Variants in CD82 observed in about 807,000 individuals in gnomAD.
CD82 encodes CD82 molecule.
Under a neutral mutation model 37.4 loss-of-function variants are expected in CD82, and 36 were observed. The observed-to-expected ratio is 0.96, with a 90% CI of 0.74 to 1.27. The LOEUF (loss-of-function observed/expected upper bound fraction) is 1.27. Among genes scored for constraint, CD82 ranks in the 50% most tolerant of loss-of-function variants. The pLI is 0.00. For missense variants in CD82, 340 were observed against 347.0 expected (o/e 0.98, Z 0.16); for synonymous variants, 158 against 137.4 (o/e 1.15, Z -1.05).
chr11:44,571,539 A>G (rs1456590596), intron 1 of CD82, among the ~76,000 whole-genome samples: 4 of 152,280 alleles, frequency 2.6e-5, no homozygotes, highest in East Asian at 1.9e-4. Context: ...AGTTAGTGCT[A>G]TATATGTTCC....
In CD82 at chr11:44,618,673, G is replaced by A; in HGVS notation, c.676G>A (p.Glu226Lys). Residue 226 changes from glutamate (E) to lysine (K), a missense_variant, in exon 9 of 10, where the codon GAG (glutamate) becomes AAG (lysine). Coordinates refer to ENST00000227155, the MANE Select transcript of CD82 (RefSeq NM_002231.4). Reference protein sequence around the residue: ...CMEKVQAWLQENLGIILGVGV... With the variant: ...CMEKVQAWLQKNLGIILGVGV... ...GGAGAAGGTGCAGGCGTGGCTGCAG[G>A]AGAACCTGGGCATCATCCTCGGCGT... 1 of 1,613,304 alleles carries A rather than the reference G, an allele frequency of 6.2e-7. No individual in the cohort carries two copies. The highest frequency in any genetic ancestry group is 8.5e-7 in the Non-Finnish European group (1 of 1,179,960).
At chr11:44,616,896 G>A (rs1565096269) in intron 7 of CD82, among the ~76,000 whole-genome samples, 1 of 152,314 alleles carries the variant, frequency 6.6e-6, no homozygotes, top group Non-Finnish European at 1.5e-5. Context: ...AGGATGGCCT[G>A]TGGGTGCCCC....
chr11:44,609,927 G>A (rs142759473), intron 6 of CD82, among the ~76,000 whole-genome samples: 5 of 152,272 alleles, frequency 3.3e-5, no homozygotes, highest in East Asian at 3.9e-4. Flanking sequence ...AGCTAATTAC[G>A]TGGATTGCAG....
chr11:44,593,651 AC>A (rs1416578228), intron 2 of CD82, among the ~76,000 whole-genome samples: 2 of 152,194 alleles, frequency 1.3e-5, no homozygotes, highest in African/African-American at 4.8e-5. Flanking sequence ...AAACTTGGAA[AC>A]AACCTGTGTG....
intron 5 of CD82, 69 bp downstream of exon 5, chr11:44,605,251 G>C: frequency 6.2e-7 from 1 of 1,607,554 alleles, no homozygotes; most frequent in South Asian, 1.1e-5. Context: ...CCTGACCGCG[G>C]CGCTGGCCGT....
rs7935811 is a variant in CD82, at chr11:44,608,252, G to A, written c.336+2823G>A. Among the ~76,000 whole-genome samples, 911 of 152,222 alleles carry A rather than the reference G, an allele frequency of 6.0e-3. 14 individuals carry two copies. The highest frequency in any genetic ancestry group is 0.021 in the African/African-American group (870 of 41,536). On this transcript the variant is annotated intron_variant, in intron 6 of 9. Coordinates refer to ENST00000227155, the MANE Select transcript of CD82 (RefSeq NM_002231.4). The stretch of plus-strand genomic sequence containing the variant: ...GAAAGGCCTTTTGAAAGGAGATAGG[G>A]CTCCCGTGCAGGTGGGTGGGAGTGA...
upstream of CD82, among the ~76,000 whole-genome samples, chr11:44,565,120 C>T (rs1416207356): frequency 6.6e-6 from 1 of 152,238 alleles, no homozygotes; most frequent in East Asian, 1.9e-4. Flanking sequence ...CCCTGGAATG[C>T]CAGCGTGGGG....
chr11:44,612,443 A>G (rs1293136304), intron 6 of CD82, among the ~76,000 whole-genome samples: 2 of 152,128 alleles, frequency 1.3e-5, no homozygotes, highest in African/African-American at 4.8e-5. Flanking sequence ...CACCAGGTAC[A>G]TAACAAACAT....
chr11:44,618,345 G>A lies in CD82; in HGVS notation c.622G>A (p.Asp208Asn), dbSNP rs1186756556. Residue 208 changes from aspartate to asparagine, a missense_variant, in exon 8 of 10, where the codon GAC (aspartate) becomes AAC (asparagine). Asp to Asn is a conservative substitution (Grantham distance 23). Coordinates refer to ENST00000227155, the MANE Select transcript of CD82 (RefSeq NM_002231.4). The part of the protein sequence containing the change: ...NRTQSGNHPE[D>N]WPVYQEGCME... ...GACCCAGAGTGGCAACCACCCTGAG[G>A]ACTGGCCTGTGTACCAGGAGGTGTG... The A allele has an allele frequency of 6.2e-7, 1 of 1,613,350 alleles. No homozygotes were observed. Among genetic ancestry groups the A allele is most frequent in the Non-Finnish European group, 8.5e-7 (1 of 1,179,978 alleles).
chr11:44,618,176 C>T lies in CD82; in HGVS notation c.453C>T (p.Gly151=), dbSNP rs1853592609. The T allele has an allele frequency of 6.2e-7, 1 of 1,613,866 alleles. No individual in the cohort carries two copies. The highest frequency in any genetic ancestry group is 1.3e-5 in the African/African-American group (1 of 74,938). ...DYVQAQVKCC[G]WVSFYNWTDN... ...GCCTTGCCCAGGTGAAGTGCTGCGG[C>T]TGGGTCAGCTTCTACAACTGGACAG... is the stretch of plus-strand genomic sequence containing the variant. The change falls in exon 8 of 10, where the codon GGC becomes GGT. Residue 151 remains glycine (G), a synonymous_variant. Transcript: ENST00000227155.
chr11:44,564,560 G>A, upstream of CD82: 1 of 452,572 alleles, frequency 2.2e-6, no homozygotes, highest in African/African-American at 2.0e-5. Context: ...TGGGACGCAG[G>A]GTGGGCACCG....
At chr11:44,574,787 A>G (rs1852866289) in intron 1 of CD82, among the ~76,000 whole-genome samples, 1 of 152,168 alleles carries the variant, frequency 6.6e-6, no homozygotes, top group Non-Finnish European at 1.5e-5. Flanking sequence ...TGAGTGCTGT[A>G]TAGGGAGGGT....
chr11:44,595,780 C>T (rs934157234), intron 3 of CD82, among the ~76,000 whole-genome samples: 1 of 151,562 alleles, frequency 6.6e-6, no homozygotes, highest in South Asian at 2.1e-4. Flanking sequence ...ATTCTAAATT[C>T]CCCTTCTGGC....
chr11:44,589,565 C>T (rs1245873152), intron 2 of CD82, among the ~76,000 whole-genome samples: 1 of 152,234 alleles, frequency 6.6e-6, no homozygotes, highest in Non-Finnish European at 1.5e-5. Context: ...AGCCCCAGCT[C>T]CGGGTCATTG....
At chr11:44,574,499 G>A (rs1464694718) in intron 1 of CD82, among the ~76,000 whole-genome samples, 1 of 152,170 alleles carries the variant, frequency 6.6e-6, no homozygotes, top group Non-Finnish European at 1.5e-5. Context: ...AAGACCCCAG[G>A]CCAGCGATTC....
chr11:44,591,815 A>G (rs1336219428), intron 2 of CD82, among the ~76,000 whole-genome samples: 1 of 127,182 alleles, frequency 7.9e-6, no homozygotes, highest in Non-Finnish European at 1.7e-5. Context: ...CGTCATACTT[A>G]CTCTTATTTT....
chr11:44,583,572 G>A (rs1358215900), intron 1 of CD82, among the ~76,000 whole-genome samples: 6 of 152,158 alleles, frequency 3.9e-5, no homozygotes, highest in South Asian at 2.1e-4. Flanking sequence ...AGGGTGGGAC[G>A]GTGGGCTGCA....
intron 4 of CD82, among the ~76,000 whole-genome samples, chr11:44,601,611 G>C (rs536874922): frequency 6.6e-6 from 1 of 152,212 alleles, no homozygotes; most frequent in Admixed American, 6.5e-5. Context: ...TGGCGCAGTG[G>C]GGGTGAGCCC....
intron 1 of CD82, chr11:44,573,383 T>C (rs1007640959): frequency 6.6e-6 from 1 of 152,202 alleles, no homozygotes; most frequent in African/African-American, 2.4e-5. Flanking sequence ...TGAGACATCA[T>C]CGTATATAGA....
Sources: gnomAD v4.1 joint callset for allele counts (sites outside exome capture counted in the v4.1 genomes callset) on GRCh38, gnomAD v4.1.1 for gene constraint, MANE v1.5 for transcripts, NCBI Gene and HGNC (gene_info 2026-07-23, HGNC 2026-07-21) for gene names.